DEUP1: variants seen among roughly 807,000 people sequenced by gnomAD.
The protein encoded by DEUP1 is deuterosome assembly protein 1.
In DEUP1, 82 loss-of-function variants were observed where a neutral mutation model predicts 87.4. The observed-to-expected ratio is 0.94, with a 90% CI of 0.78 to 1.13. The LOEUF (loss-of-function observed/expected upper bound fraction) is 1.13, where lower values mean the gene tolerates loss of function less well. Ranked by LOEUF, DEUP1 falls within the 50% of genes most tolerant of loss-of-function variation. DEUP1 has a pLI of 0.00. For missense variants in DEUP1, 663 were observed against 681.5 expected (o/e 0.97, Z 0.30); for synonymous variants, 214 against 222.7 (o/e 0.96, Z 0.35).
chr11:93,396,218 C>T, intron 10 of DEUP1, 21 bp from the exon 11 acceptor site: 4 of 1,419,188 alleles, frequency 2.8e-6, no homozygotes, highest in Non-Finnish European at 3.9e-6. Context: ...TTTACATTTG[C>T]CTTTTATCTG....
intron 10 of DEUP1, among the ~76,000 whole-genome samples, chr11:93,395,608 G>A (rs10831032): frequency 0.34 from 51,060 of 151,840 alleles, 9,355 homozygotes; most frequent in African/African-American, 0.47. Context: ...ATTTTTGTAC[G>A]TTTTCTAGGT....
At chr11:93,334,973 A>G (rs1372920404) in intron 2 of DEUP1, among the ~76,000 whole-genome samples, 2 of 151,958 alleles carry the variant, frequency 1.3e-5, no homozygotes, top group South Asian at 2.1e-4. Flanking sequence ...GGTTTATTCT[A>G]TCTTGTTCCC....
intron 13 of DEUP1, among the ~76,000 whole-genome samples, chr11:93,434,970 T>G (rs1323016951): frequency 6.6e-6 from 1 of 152,160 alleles, no homozygotes; most frequent in Non-Finnish European, 1.5e-5. Context: ...ATCCTCTGGA[T>G]AGTGCTGTGT....
rs1266426975 is a variant in DEUP1, at chr11:93,364,173, C to T, written c.311C>T (p.Thr104Ile). 2.5e-6 allele frequency: 4 copies of T among 1,587,402 alleles called. No individual in the cohort carries two copies. The highest frequency in any genetic ancestry group is 3.4e-6 in the Non-Finnish European group (4 of 1,160,168). ...QSLKAQFSKL[T>I]NNFEKLRLHQ... is the part of the protein sequence containing the mutation. ...TGTGATTTACAGTTTTCCAAACTAA[C>T]AAATAACTTTGAAAAACTGAGATTA... The change falls in exon 5 of 14, where the codon ACA becomes ATA. Residue 104 changes from threonine (T) to isoleucine (I), a missense_variant. Physicochemically the swap from Thr to Ile is moderately conservative, Grantham distance 89 (BLOSUM62 -1). Transcript: ENST00000298050.
intron 6 of DEUP1, among the ~76,000 whole-genome samples, chr11:93,370,580 A>G (rs1393894010): frequency 6.6e-6 from 1 of 152,000 alleles, no homozygotes; most frequent in Non-Finnish European, 1.5e-5. Flanking sequence ...AACTTTGCCC[A>G]TTTTTCTTTT....
At chr11:93,419,326 A>G (rs4924854) in intron 13 of DEUP1, among the ~76,000 whole-genome samples, 6 of 152,210 alleles carry the variant, frequency 3.9e-5, no homozygotes, top group Admixed American at 2.6e-4. Context: ...GCAACCTTCC[A>G]GAACAGGCAA....
chr11:93,383,226 A>G (rs534705571), intron 7 of DEUP1, among the ~76,000 whole-genome samples: 180 of 152,360 alleles, frequency 1.2e-3, no homozygotes, highest in African/African-American at 3.9e-3. Flanking sequence ...ATGTCCATCA[A>G]CTGATGAATA....
rs1180556287 is a variant in DEUP1, at chr11:93,426,994, TAAAAAAAAAAAAAAAAAGAAA to T, written c.1639-10532_1639-10512del. Among the ~76,000 whole-genome samples, 3 of 2,916 alleles carry T rather than the reference TAAAAAAAAAAAAAAAAAGAAA, an allele frequency of 1.0e-3. 1 individual carries two copies. Among genetic ancestry groups the T allele is most frequent in the African/African-American group, 3.0e-3 (2 of 660 alleles). The allele number at this position is 2,916 out of a possible 152,430, so 1.9% of individuals were successfully genotyped here. The stretch of plus-strand genomic sequence containing the variant: ...ATGTACCCTAAAACTTAGAGTATAA[TAAAAAAAAAAAAAAAAAGAAA>T]AAAAAAAAAAAAAAAAGAAAATGGC... On this transcript the variant is annotated intron_variant, in intron 13 of 13. Transcript: ENST00000298050.
chr11:93,391,929 G>A (rs554713660), intron 9 of DEUP1, among the ~76,000 whole-genome samples: 5 of 151,968 alleles, frequency 3.3e-5, no homozygotes, highest in Non-Finnish European at 5.9e-5. Flanking sequence ...CTTAGTTTCC[G>A]CCTTGTTCTC....
chr11:93,403,071 G>C (rs992739015), intron 11 of DEUP1, among the ~76,000 whole-genome samples: 1 of 151,878 alleles, frequency 6.6e-6, no homozygotes, highest in Non-Finnish European at 1.5e-5. Context: ...ACACTGATTT[G>C]ATCTCTACAA....
intron 12 of DEUP1, among the ~76,000 whole-genome samples, chr11:93,410,280 G>C (rs945295867): frequency 6.6e-6 from 1 of 152,166 alleles, no homozygotes; most frequent in African/African-American, 2.4e-5. Context: ...GTGGGGTGCT[G>C]TGGTGGGGTG....
chr11:93,413,239 TG>T (rs1358307003), intron 12 of DEUP1, among the ~76,000 whole-genome samples: 2 of 121,328 alleles, frequency 1.6e-5, no homozygotes, highest in African/African-American at 6.2e-5. Flanking sequence ...TGGTCTTTGA[TG>T]ATTTTTTTTT....
intron 12 of DEUP1, among the ~76,000 whole-genome samples, chr11:93,410,373 T>C (rs2134426416): frequency 6.6e-6 from 1 of 152,306 alleles, no homozygotes; most frequent in South Asian, 2.1e-4. Flanking sequence ...ACCAGTTCTC[T>C]GGTGAATGTG....
chr11:93,360,473 G>A (rs1409677534), intron 4 of DEUP1, among the ~76,000 whole-genome samples: 1 of 152,090 alleles, frequency 6.6e-6, no homozygotes, highest in African/African-American at 2.4e-5. Context: ...CAGATGCCAA[G>A]GCCAAGATGC....
chr11:93,433,883 G>A (rs1279610621), intron 13 of DEUP1, among the ~76,000 whole-genome samples: 3 of 152,180 alleles, frequency 2.0e-5, no homozygotes, highest in African/African-American at 7.2e-5. Flanking sequence ...CAAACAAAAA[G>A]TTTGGTATTT....
At chr11:93,332,900 AAC>A (rs771776134) in intron 2 of DEUP1, among the ~76,000 whole-genome samples, 1 of 152,218 alleles carries the variant, frequency 6.6e-6, no homozygotes, top group Non-Finnish European at 1.5e-5. Flanking sequence ...CCACTGGCTG[AAC>A]ACAGAGTTTG....
chr11:93,364,033 T>C lies in DEUP1; in HGVS notation c.298-127T>C, dbSNP rs564846851. ...GGTTCTGTCTTCACTAATTGAAACATTTAAGCTTTACTGCACTTTCTAATC... is the reference window on the plus strand; with the variant it reads ...GGTTCTGTCTTCACTAATTGAAACACTTAAGCTTTACTGCACTTTCTAATC... On this transcript the variant is annotated intron_variant, in intron 4 of 13. Transcript: ENST00000298050. The C allele has an allele frequency of 2.7e-3, 1,803 of 674,728 alleles. 7 individuals are homozygous for C. The highest frequency in any genetic ancestry group is 2.9e-3 in the Non-Finnish European group (1,182 of 403,494). The allele number at this position is 674,728 out of a possible 1,614,324, so 41.8% of individuals were successfully genotyped here. A position where few individuals can be genotyped will look rare whatever the true frequency, so the allele number is the denominator to read the frequency against.
chr11:93,367,930 G>C (rs1012990882), intron 5 of DEUP1, among the ~76,000 whole-genome samples: 6 of 152,200 alleles, frequency 3.9e-5, no homozygotes, highest in African/African-American at 1.2e-4. Flanking sequence ...CACTGTGAAT[G>C]GTACAAAAGT....
In DEUP1 at chr11:93,342,535, A is replaced by G. The variant is rs187255387; in HGVS notation, c.29+10247A>G. ...CATCAGGGATGTGTAGGGTACCCAC[A>G]ATATCTGCTGCAGCCCTCTTTTAAA... is the stretch of plus-strand genomic sequence containing the variant. On this transcript the variant is annotated intron_variant, in intron 2 of 13. Transcript: ENST00000298050. Among the ~76,000 whole-genome samples, 4 of 152,324 alleles carry G rather than the reference A, an allele frequency of 2.6e-5. No individual in the cohort carries two copies. In the East Asian group the frequency reaches 7.7e-4, roughly 29 times the overall value.
Sources: gnomAD v4.1 joint callset for allele counts (sites outside exome capture counted in the v4.1 genomes callset) on GRCh38, gnomAD v4.1.1 for gene constraint, MANE v1.5 for transcripts, NCBI Gene and HGNC (gene_info 2026-07-23, HGNC 2026-07-21) for gene names.